SNX30: variants seen among roughly 807,000 people sequenced by gnomAD.
SNX30 encodes the protein sorting nexin-30.
A neutral mutation model predicts 46.4 loss-of-function variants in SNX30; 24 were observed. The observed-to-expected ratio is 0.52, with a 90% CI of 0.37 to 0.73. SNX30 has a LOEUF of 0.73. Ranked by LOEUF, SNX30 falls within the 30% of genes least tolerant of loss-of-function variation. The probability of loss-of-function intolerance (pLI) is 0.00; values close to 1 mark genes in which losing one functional copy is unlikely to be tolerated. For synonymous variants in SNX30, 189 were observed against 211.5 expected (o/e 0.89, Z 0.92); for missense variants, 533 against 555.7 (o/e 0.96, Z 0.41).
intron 2 of SNX30, among the ~76,000 whole-genome samples, chr9:112,809,614 A>G (rs994244430): frequency 2.6e-5 from 4 of 152,150 alleles, no homozygotes; most frequent in African/African-American, 9.7e-5. Context: ...TCCTCTTTCT[A>G]AATGCCTCAG....
rs1445818073 is a variant in SNX30, at chr9:112,864,257, A to G, written c.1112A>G (p.Asp371Gly). Residue 371 changes from aspartate (D) to glycine (G), a missense_variant, in exon 8 of 9, where the codon GAC becomes GGC. Transcript: ENST00000374232. ...RKEDRPKVPA[D>G]VEKCQDRMEC... ...GCCTCCCTTTTCCAGGTACCGGCGGACGTCGAGAAATGTCAGGATCGGATG... is the reference window on the plus strand; with the variant it reads ...GCCTCCCTTTTCCAGGTACCGGCGGGCGTCGAGAAATGTCAGGATCGGATG... 1 of 1,613,930 alleles carries G rather than the reference A, an allele frequency of 6.2e-7. No individual in the cohort carries two copies. The highest frequency in any genetic ancestry group is 8.5e-7 in the Non-Finnish European group (1 of 1,179,972).
chr9:112,877,017 TG>T (rs1564302180), downstream of SNX30: 1 of 149,986 alleles, frequency 6.7e-6, no homozygotes, highest in African/African-American at 2.5e-5. Flanking sequence ...GTGAGAATGG[TG>T]ATTCTTAAAT....
At chr9:112,776,081 C>T (rs1839743875) in intron 1 of SNX30, among the ~76,000 whole-genome samples, 1 of 152,114 alleles carries the variant, frequency 6.6e-6, no homozygotes, top group Non-Finnish European at 1.5e-5. Context: ...TCTCACCATT[C>T]TTCTGGTATT....
intron 1 of SNX30, among the ~76,000 whole-genome samples, chr9:112,752,338 A>G (rs897982881): frequency 1.3e-5 from 2 of 152,212 alleles, no homozygotes; most frequent in African/African-American, 2.4e-5. Context: ...AATGGAGGCC[A>G]GGTGCAGTGG....
At chr9:112,768,808 C>A (rs1839596117) in intron 1 of SNX30, among the ~76,000 whole-genome samples, 1 of 151,938 alleles carries the variant, frequency 6.6e-6, no homozygotes, top group Non-Finnish European at 1.5e-5. Flanking sequence ...GGGCACCTGC[C>A]ACCACGCTGG....
chr9:112,763,579 C>T (rs1041694847), intron 1 of SNX30, among the ~76,000 whole-genome samples: 2 of 150,350 alleles, frequency 1.3e-5, no homozygotes, highest in Admixed American at 6.6e-5. Flanking sequence ...GGCCGGGCGC[C>T]GTGGCTCATG....
rs910097103 is a variant in SNX30 at position 112,868,982 on chromosome 9, C to G, written c.*139C>G. The G allele has an allele frequency of 1.3e-5, 10 of 794,402 alleles. No individual in the cohort carries two copies. The highest frequency in any genetic ancestry group is 1.9e-5 in the Non-Finnish European group (9 of 468,632). 49.2% of individuals were successfully genotyped at this position (794,402 alleles called of 1,614,324 possible). ...CTCCTTTGTGTATTTTTCCCTCCCCCACCTTTCACCCCACAGTGGTTTTCA... is the reference window on the plus strand; with the variant it reads ...CTCCTTTGTGTATTTTTCCCTCCCCGACCTTTCACCCCACAGTGGTTTTCA... On this transcript the variant is annotated 3_prime_UTR_variant, in exon 9 of 9. Coordinates refer to ENST00000374232, the MANE Select transcript of SNX30 (RefSeq NM_001012994.2).
At chr9:112,777,919 G>C (rs1461542290) in intron 1 of SNX30, among the ~76,000 whole-genome samples, 1 of 152,116 alleles carries the variant, frequency 6.6e-6, no homozygotes, top group Admixed American at 6.6e-5. Context: ...AAACTAAGTA[G>C]GTTAAAACAC....
At chr9:112,879,659 C>T, downstream of SNX30, 2 of 1,085,334 alleles carry the variant, frequency 1.8e-6, no homozygotes, top group Non-Finnish European at 2.7e-6. Context: ...ACGCAGGTTT[C>T]TTAAGCAGTG....
intron 7 of SNX30, among the ~76,000 whole-genome samples, chr9:112,857,582 T>G (rs1490438098): frequency 1.3e-5 from 2 of 152,194 alleles, no homozygotes; most frequent in Non-Finnish European, 2.9e-5. Context: ...TCCCCTTTCC[T>G]CCACACTTTG....
rs553687254 is a variant in SNX30, at chr9:112,822,098, G to A, written c.459+4283G>A. ...TGCCTGGCTAATTCTTTTTTTGGTA[G>A]AGACAGAGTCTTGCTATGTTGCCCA... On this transcript the variant is annotated intron_variant, in intron 3 of 8. Coordinates refer to ENST00000374232, the MANE Select transcript of SNX30 (RefSeq NM_001012994.2). 2.0e-5 allele frequency among the ~76,000 whole-genome samples: 3 copies of A among 152,108 alleles called. No individual in the cohort carries two copies. The East Asian group carries it at 5.8e-4, about 30-fold the overall frequency.
downstream of SNX30, chr9:112,879,150 G>T (rs1200691355): frequency 6.6e-6 from 1 of 152,202 alleles, no homozygotes; most frequent in Non-Finnish European, 1.5e-5. Context: ...CTACCCAGAA[G>T]ACAAGGGCCT....
downstream of SNX30, among the ~76,000 whole-genome samples, chr9:112,884,416 C>G (rs1179662770): frequency 6.6e-6 from 1 of 152,192 alleles, no homozygotes; most frequent in Non-Finnish European, 1.5e-5. Context: ...CAGCCTTGGC[C>G]CCTCCTAGCT....
intron 1 of SNX30, among the ~76,000 whole-genome samples, chr9:112,759,020 T>A (rs1477832144): frequency 6.6e-6 from 1 of 152,000 alleles, no homozygotes; most frequent in East Asian, 1.9e-4. Flanking sequence ...TCTTTTCTCC[T>A]CCATCTGGTG....
chr9:112,754,180 A>G (rs1303661486), intron 1 of SNX30, among the ~76,000 whole-genome samples: 1 of 152,190 alleles, frequency 6.6e-6, no homozygotes, highest in African/African-American at 2.4e-5. Context: ...AGATGGTGCG[A>G]TGAACAGGGT....
intron 7 of SNX30, among the ~76,000 whole-genome samples, chr9:112,852,817 A>G (rs1841050876): frequency 6.6e-6 from 1 of 152,236 alleles, no homozygotes; most frequent in Admixed American, 6.5e-5. Context: ...CTTGCATTTC[A>G]GGGAAATGGT....
chr9:112,819,823 A>G (rs1466041415), intron 3 of SNX30, among the ~76,000 whole-genome samples: 2 of 152,204 alleles, frequency 1.3e-5, no homozygotes, highest in African/African-American at 2.4e-5. Flanking sequence ...CTCATCACCT[A>G]TCCAGGGCAC....
intron 5 of SNX30, among the ~76,000 whole-genome samples, 173 bp downstream of exon 5, chr9:112,836,582 C>G (rs958755774): frequency 1.6e-4 from 25 of 152,232 alleles, no homozygotes; most frequent in African/African-American, 5.8e-4. Context: ...TGGAATGTCA[C>G]TTTGCACCCC....
At position 112,874,898 on chromosome 9, in the gene SNX30, T is replaced by C. The variant is rs181028671; in HGVS notation, c.*6055T>C. 1.3e-5 allele frequency: 2 copies of C among 152,350 alleles called. No individual in the cohort carries two copies. The highest frequency in any genetic ancestry group is 1.3e-4 in the Admixed American group (2 of 15,302). The allele number at this position is 152,350 out of a possible 1,614,324, so 9.4% of individuals were successfully genotyped here. A position where few individuals can be genotyped will look rare whatever the true frequency, so the allele number is the denominator to read the frequency against. On this transcript the variant is annotated 3_prime_UTR_variant, in exon 9 of 9. Transcript: ENST00000374232. ...TTTGAGGTAAACAAAAGAATTTGTA[T>C]TGCTTGATAAATATTAGCTTGTAAA...
Sources: gnomAD v4.1 joint callset for allele counts (sites outside exome capture counted in the v4.1 genomes callset) on GRCh38, gnomAD v4.1.1 for gene constraint, MANE v1.5 for transcripts, NCBI Gene and HGNC (gene_info 2026-07-23, HGNC 2026-07-21) for gene names.